CMIP: variants seen among roughly 807,000 people sequenced by gnomAD.
CMIP encodes c-Maf inducing protein.
In CMIP, 13 loss-of-function variants were observed where a neutral mutation model predicts 97.3. The observed-to-expected ratio is 0.13, with a 90% confidence interval of 0.09 to 0.21. The LOEUF is 0.21. Ranked by LOEUF, CMIP falls within the 10% of genes least tolerant of loss-of-function variation. The pLI, the probability that CMIP is intolerant of heterozygous loss-of-function variation, is 1.00. For synonymous variants in CMIP, 538 were observed against 436.3 expected (o/e 1.23, Z -2.91); for missense variants, 847 against 1,024.9 (o/e 0.83, Z 2.37).
At chr16:81,668,855 G>GCCTTCCACACCCACCTCACACTA (rs2092641254) in intron 7 of CMIP, among the ~76,000 whole-genome samples, 1 of 116,286 alleles carries the variant, frequency 8.6e-6, no homozygotes, top group Non-Finnish European at 1.8e-5. Flanking sequence ...CACACTCACT[G>GCCTTCCACACCCACCTCACACTA]CCTTCCACAC....
intron 20 of CMIP, 118 bp downstream of exon 20, chr16:81,707,202 C>G (rs747920262): frequency 4.5e-5 from 36 of 800,540 alleles, no homozygotes; most frequent in Non-Finnish European, 6.8e-5. Flanking sequence ...ATCTACAGAT[C>G]AATACATAAA....
intron 1 of CMIP, among the ~76,000 whole-genome samples, chr16:81,568,780 A>G (rs563334220): frequency 1.2e-3 from 182 of 152,358 alleles, no homozygotes; most frequent in Non-Finnish European, 1.6e-3. Context: ...GTGGAAAAGC[A>G]GACCAGCAAC....
chr16:81,668,576 C>T (rs1242753013), intron 7 of CMIP, among the ~76,000 whole-genome samples: 1 of 152,168 alleles, frequency 6.6e-6, no homozygotes, highest in East Asian at 1.9e-4. Context: ...GTGTCCTTGA[C>T]CTGGCCCCTT....
intron 2 of CMIP, among the ~76,000 whole-genome samples, chr16:81,608,181 T>C (rs550985116): frequency 6.6e-6 from 1 of 152,370 alleles, no homozygotes; most frequent in South Asian, 2.1e-4. Flanking sequence ...CTGTATGTAC[T>C]GGTCAGGACG....
chr16:81,460,812 C>G (rs184248139), intron 1 of CMIP, among the ~76,000 whole-genome samples: 1 of 152,116 alleles, frequency 6.6e-6, no homozygotes, highest in Non-Finnish European at 1.5e-5. Flanking sequence ...TGAAAATTTG[C>G]CCCCTGCAAA....
At chr16:81,594,846 G>T (rs1455604280) in intron 1 of CMIP, among the ~76,000 whole-genome samples, 1 of 142,418 alleles carries the variant, frequency 7.0e-6, no homozygotes, top group Non-Finnish European at 1.5e-5. Context: ...TAGCCAGAAT[G>T]GTCTCAATCT....
chr16:81,567,671 C>T (rs1483085245), intron 1 of CMIP, among the ~76,000 whole-genome samples: 2 of 152,186 alleles, frequency 1.3e-5, no homozygotes, highest in Non-Finnish European at 2.9e-5. Context: ...TATGCCACGC[C>T]GCCCTCAGGA....
At chr16:81,507,772 G>A (rs1043974104) in intron 1 of CMIP, among the ~76,000 whole-genome samples, 2 of 152,170 alleles carry the variant, frequency 1.3e-5, no homozygotes, top group African/African-American at 2.4e-5. Context: ...TGGGGTGGCC[G>A]CAGATCACTT....
chr16:81,646,147 G>A (rs1012161266), intron 3 of CMIP, among the ~76,000 whole-genome samples: 33 of 150,612 alleles, frequency 2.2e-4, no homozygotes, highest in African/African-American at 7.9e-4. Flanking sequence ...TGGATAGTTG[G>A]GTGGGTGGAT....
At chr16:81,597,781 A>G (rs540903692) in intron 1 of CMIP, among the ~76,000 whole-genome samples, 6 of 152,278 alleles carry the variant, frequency 3.9e-5, no homozygotes, top group Non-Finnish European at 7.4e-5. Flanking sequence ...GCCCAGTGGC[A>G]CATATGAAAA....
chr16:81,488,108 TGAC>T (rs764172588), intron 1 of CMIP, among the ~76,000 whole-genome samples: 112,059 of 152,064 alleles, frequency 0.74, 41,522 homozygotes, highest in East Asian at 0.87. Context: ...GACTGCTGCA[TGAC>T]TTTTATTTTA....
chr16:81,487,405 G>T (rs1402965332), intron 1 of CMIP, among the ~76,000 whole-genome samples: 1 of 152,204 alleles, frequency 6.6e-6, no homozygotes, highest in African/African-American at 2.4e-5. Flanking sequence ...CACTCCCGAG[G>T]CCCCAGACCA....
chr16:81,475,837 A>C (rs1247755511), intron 1 of CMIP, among the ~76,000 whole-genome samples: 1 of 151,946 alleles, frequency 6.6e-6, no homozygotes, highest in South Asian at 2.1e-4. Context: ...TACAAACAAA[A>C]TTAGCTGGGT....
intron 1 of CMIP, among the ~76,000 whole-genome samples, chr16:81,487,258 A>T (rs2089330473): frequency 6.8e-6 from 1 of 146,966 alleles, no homozygotes. Flanking sequence ...CCCCAGCGTG[A>T]CTTCTTGAGA....
At chr16:81,515,095 A>T (rs562441380) in intron 1 of CMIP, among the ~76,000 whole-genome samples, 1 of 152,226 alleles carries the variant, frequency 6.6e-6, no homozygotes, top group Non-Finnish European at 1.5e-5. Flanking sequence ...CTGTCCTGGC[A>T]GGAGTGCCCT....
intron 1 of CMIP, among the ~76,000 whole-genome samples, chr16:81,565,277 C>G (rs1361313220): frequency 6.6e-6 from 1 of 152,186 alleles, no homozygotes; most frequent in Non-Finnish European, 1.5e-5. Flanking sequence ...AGATTTGCCC[C>G]ACTGGGTGGC....
chr16:81,476,623 G>A, intron 1 of CMIP: 1 of 413,296 alleles, frequency 2.4e-6, no homozygotes, highest in Admixed American at 3.5e-5. Context: ...GGGCCTTCTT[G>A]TGCAACTTGC....
chr16:81,547,916 C>T (rs888398749), intron 1 of CMIP, among the ~76,000 whole-genome samples: 6 of 152,172 alleles, frequency 3.9e-5, no homozygotes, highest in South Asian at 2.1e-4. Context: ...GCCTCTTCAG[C>T]TCTGCTCTTC....
chr16:81,527,424 G>A (rs1416203447), intron 1 of CMIP, among the ~76,000 whole-genome samples: 1 of 152,006 alleles, frequency 6.6e-6, no homozygotes, highest in African/African-American at 2.4e-5. Context: ...TGGGTGTAAG[G>A]GTATTCATCC....
Sources: allele counts gnomAD v4.1 joint callset (sites outside exome capture counted in the v4.1 genomes callset), GRCh38; gene constraint gnomAD v4.1.1; transcripts MANE v1.5; gene names NCBI Gene and HGNC (gene_info 2026-07-23, HGNC 2026-07-21).